The following CCNL1 variants were observed in gnomAD, a reference collection of about 807,000 sequenced individuals.
CCNL1 encodes cyclin L1, also known as cyclin-L1.
In CCNL1, 13 loss-of-function variants were observed where a neutral mutation model predicts 60.6. The ratio of observed to expected loss-of-function variants is 0.21; its 90% CI spans 0.14 to 0.34. The LOEUF (loss-of-function observed/expected upper bound fraction) is 0.34. CCNL1 is among the 10% of genes least tolerant of loss of function. The pLI is 1.00. For synonymous variants in CCNL1, 270 were observed against 244.3 expected, an observed-to-expected ratio of 1.10 and a Z score of -0.98; for missense variants, 481 against 664.3, an observed-to-expected ratio of 0.72 and a Z score of 3.03.
intron 3 of CCNL1, chr3:157,153,780 T>C (rs1005256773): frequency 2.0e-5 from 3 of 152,208 alleles, no homozygotes; most frequent in African/African-American, 7.2e-5. Flanking sequence ...AGTGGGTAGT[T>C]AATCCAGATT....
chr3:157,150,499 C>G, intron 5 of CCNL1, 118 bp from the exon 6 acceptor site: 1 of 1,446,608 alleles, frequency 6.9e-7, no homozygotes, highest in Non-Finnish European at 9.1e-7. Context: ...ATATTCACAT[C>G]CTCATATTCT....
At position 157,148,193 on chromosome 3, in the gene CCNL1, G is replaced by T; in HGVS notation, c.*48C>A. ...TTTGATTGAGTCCATACATCACACT[G>T]TAGATAGGCAAAACCAAGAACTGAT... is the stretch of plus-strand genomic sequence containing the variant. On this transcript the variant is annotated 3_prime_UTR_variant, in exon 11 of 11. Coordinates refer to ENST00000295926, the MANE Select transcript of CCNL1 (RefSeq NM_020307.4). 1 of 1,577,564 alleles carries T rather than the reference G, an allele frequency of 6.3e-7. No individual in the cohort carries two copies. The highest frequency in any genetic ancestry group is 8.6e-7 in the Non-Finnish European group (1 of 1,163,262).
intron 2 of CCNL1, 103 bp from the exon 3 acceptor site, chr3:157,159,078 G>C (rs970816299): frequency 1.3e-6 from 1 of 760,368 alleles, no homozygotes; most frequent in South Asian, 1.6e-5. Flanking sequence ...AATTAGAGAA[G>C]ACATCTCTAT....
Position 157,149,701 on chromosome 3 carries a change from G to A in CCNL1, c.1022-105C>T, listed in dbSNP as rs886091706. The A allele has an allele frequency of 4.8e-5, 70 of 1,459,120 alleles. No homozygotes were observed. In the Middle Eastern group the frequency reaches 1.9e-3, roughly 40 times the overall value. 90.4% of individuals were successfully genotyped at this position (1,459,120 alleles called of 1,614,324 possible). A position where few individuals can be genotyped will look rare whatever the true frequency, so the allele number is the denominator to read the frequency against. On this transcript the variant is annotated intron_variant, in intron 8 of 10. Transcript: ENST00000295926. The stretch of plus-strand genomic sequence containing the variant: ...GTACCATGCTTCCGCTTCCATGTTG[G>A]TTGACTGCCATGAGAGAACATAGCA...
rs1284495597 is a variant in CCNL1, at chr3:157,149,889, T to A, written c.968A>T (p.Asp323Val). The A allele has an allele frequency of 1.2e-6, 2 of 1,614,152 alleles. No homozygotes were observed. The highest frequency in any genetic ancestry group is 1.7e-6 in the Non-Finnish European group (2 of 1,179,998). The change falls in exon 8 of 11, where the codon GAT becomes GTT. Residue 323 changes from aspartate to valine, a missense_variant. By Grantham distance (152) the Asp-to-Val change is radical. Coordinates refer to ENST00000295926, the MANE Select transcript of CCNL1 (RefSeq NM_020307.4). ...AKLKAKGLNP[D>V]GTPALSTLGG... ...CAGGGTTGAAAGGGCTGGAGTTCCA[T>A]CCGGATTCAATCCCTTTGCTTTTAA...
At chr3:157,156,083 A>T (rs1738599300) in intron 3 of CCNL1, among the ~76,000 whole-genome samples, 1 of 152,244 alleles carries the variant, frequency 6.6e-6, no homozygotes, top group Admixed American at 6.5e-5. Flanking sequence ...CAACAACAAA[A>T]ATTACAAAGT....
At chr3:157,146,727 C>T, downstream of CCNL1, 1 of 323,460 alleles carries the variant, frequency 3.1e-6, no homozygotes, top group South Asian at 2.4e-5. Flanking sequence ...GCAAACTGTT[C>T]AGCATTTAGA....
At chr3:157,150,009 C>T (rs2108114137) in intron 7 of CCNL1, 32 bp from the exon 8 acceptor site, 1 of 1,611,348 alleles carries the variant, frequency 6.2e-7, no homozygotes, top group East Asian at 2.2e-5. Context: ...AGTATTTCTT[C>T]CTTAGAGTAG....
chr3:157,153,441 C>A, intron 3 of CCNL1: 1 of 310,150 alleles, frequency 3.2e-6, no homozygotes, highest in Non-Finnish European at 6.1e-6. Context: ...TGCTTATATT[C>A]TAGGTGTGTA....
downstream of CCNL1, among the ~76,000 whole-genome samples, chr3:157,145,295 G>A (rs752910146): frequency 1.3e-5 from 2 of 151,846 alleles, no homozygotes; most frequent in Non-Finnish European, 2.9e-5. Flanking sequence ...AAATTAGCCA[G>A]GGCGTGGTGG....
intron 5 of CCNL1, 22 bp downstream of exon 5, chr3:157,152,155 G>T (rs1191190647): frequency 6.2e-7 from 1 of 1,605,330 alleles, no homozygotes; most frequent in Non-Finnish European, 8.5e-7. Flanking sequence ...GGCTAGGAAA[G>T]AAATCTAAAA....
downstream of CCNL1, among the ~76,000 whole-genome samples, chr3:157,145,310 C>T (rs939711344): frequency 2.0e-5 from 3 of 151,774 alleles, no homozygotes; most frequent in East Asian, 1.9e-4. Context: ...TGGTGGCAGG[C>T]GCCTGTATTC....
chr3:157,145,463 A>AAAAAAAAAAAAAAAAAAAAAAAT (rs1737754993), downstream of CCNL1, among the ~76,000 whole-genome samples: 1 of 148,234 alleles, frequency 6.7e-6, no homozygotes, highest in Admixed American at 6.7e-5. Context: ...AAAAAAAAAA[A>AAAAAAAAAAAAAAAAAAAAAAAT]ACCAAAACGG....
chr3:157,151,612 A>C (rs78062111), intron 5 of CCNL1: 141 of 987,594 alleles, frequency 1.4e-4, no homozygotes, highest in Non-Finnish European at 1.7e-4. Flanking sequence ...AAATTTAGTC[A>C]AACTCCTAAT....
At position 157,149,533 on chromosome 3, in the gene CCNL1, T is replaced by C; in HGVS notation, c.1085A>G (p.Lys362Arg). 1.2e-6 allele frequency: 2 copies of C among 1,614,154 alleles called. No homozygotes were observed. The highest frequency in any genetic ancestry group is 2.7e-5 in the African/African-American group (2 of 75,060). Residue 362 changes from lysine to arginine, a missense_variant, in exon 9 of 11, where the codon AAA (lysine) becomes AGA (arginine). Lys to Arg is a conservative substitution (Grantham distance 26). Transcript: ENST00000295926. ...CTGTTGTCTATCCTCAGGTTCTTTTTTGACTGTCTTCACATTAATGGAGAT... is the reference window on the plus strand; with the variant it reads ...CTGTTGTCTATCCTCAGGTTCTTTTCTGACTGTCTTCACATTAATGGAGAT... ...SPISINVKTV[K>R]KEPEDRQQAS...
downstream of CCNL1, among the ~76,000 whole-genome samples, chr3:157,147,217 A>G (rs1737813689): frequency 6.6e-6 from 1 of 152,242 alleles, no homozygotes; most frequent in Non-Finnish European, 1.5e-5. Flanking sequence ...AAAGCGATGC[A>G]ACATTTTGAC....
intron 1 of CCNL1, 134 bp downstream of exon 1, chr3:157,159,658 C>G (rs768087007): frequency 7.0e-5 from 73 of 1,049,010 alleles, no homozygotes; most frequent in Non-Finnish European, 9.2e-5. Context: ...ACGCCCCGGC[C>G]GCGGCTGGGC....
downstream of CCNL1, among the ~76,000 whole-genome samples, chr3:157,144,601 C>A (rs915909979): frequency 2.6e-5 from 4 of 152,218 alleles, no homozygotes; most frequent in African/African-American, 9.6e-5. Context: ...TGGCTTCCAG[C>A]CTTAGAGTGA....
downstream of CCNL1, among the ~76,000 whole-genome samples, chr3:157,144,214 A>G (rs1039459731): frequency 6.6e-6 from 1 of 152,192 alleles, no homozygotes. Context: ...ACTGTTCAAG[A>G]TTTTCTATAA....
Sources: allele counts gnomAD v4.1 joint callset (sites outside exome capture counted in the v4.1 genomes callset), GRCh38; gene constraint gnomAD v4.1.1; transcripts MANE v1.5; gene names NCBI Gene and HGNC (gene_info 2026-07-23, HGNC 2026-07-21).